WWC2: variants seen among roughly 807,000 people sequenced by gnomAD.
The protein encoded by WWC2 is WW and C2 domain containing 2.
In WWC2, 101 loss-of-function variants were observed where a neutral mutation model predicts 138.5. The observed-to-expected ratio is 0.73, with a 90% CI of 0.62 to 0.86. WWC2 has a LOEUF of 0.86. WWC2 is among the 40% of genes least tolerant of loss of function. WWC2 has a pLI of 0.00. For synonymous variants in WWC2, 558 were observed against 538.4 expected (o/e 1.04, Z -0.50); for missense variants, 1,420 against 1,419.4 (o/e 1.00, Z -0.01).
chr4:183,176,563 C>T (rs545408633), intron 1 of WWC2, among the ~76,000 whole-genome samples: 51 of 152,098 alleles, frequency 3.4e-4, no homozygotes, highest in East Asian at 1.7e-3. Context: ...GCTAGGATTA[C>T]AGGCACCTGC....
chr4:183,126,924 A>G (rs527607757), intron 1 of WWC2, among the ~76,000 whole-genome samples: 1 of 145,086 alleles, frequency 6.9e-6, no homozygotes, highest in African/African-American at 2.6e-5. Flanking sequence ...TTAAAGAGAG[A>G]TAGAGTCTCA....
At chr4:183,190,692 T>C (rs1331958958) in intron 1 of WWC2, among the ~76,000 whole-genome samples, 1 of 152,182 alleles carries the variant, frequency 6.6e-6, no homozygotes, top group Non-Finnish European at 1.5e-5. Context: ...ATCTTCTGAA[T>C]TTTTCAGAGT....
intron 1 of WWC2, among the ~76,000 whole-genome samples, chr4:183,137,652 C>T (rs1202396592): frequency 6.6e-6 from 1 of 152,098 alleles, no homozygotes; most frequent in Non-Finnish European, 1.5e-5. Flanking sequence ...ATGCGCACCA[C>T]CATACCTGAT....
chr4:183,299,353 C>G (rs376779570), intron 21 of WWC2, among the ~76,000 whole-genome samples: 9 of 152,162 alleles, frequency 5.9e-5, no homozygotes, highest in African/African-American at 2.2e-4. Context: ...GCCCGCTGCC[C>G]CTCCGTCTTT....
intron 1 of WWC2, among the ~76,000 whole-genome samples, chr4:183,127,290 A>G (rs112979387): frequency 1.3e-5 from 2 of 152,250 alleles, no homozygotes; most frequent in Admixed American, 6.5e-5. Flanking sequence ...CCAGAAGCAT[A>G]AAAGACTGGG....
chr4:183,210,669 G>A (rs372124321), intron 4 of WWC2, among the ~76,000 whole-genome samples: 6 of 152,270 alleles, frequency 3.9e-5, no homozygotes, highest in Non-Finnish European at 7.4e-5. Flanking sequence ...ACATCACAGA[G>A]TATACTAATG....
At chr4:183,203,751 G>C (rs1268970116) in intron 2 of WWC2, 1 of 152,182 alleles carries the variant, frequency 6.6e-6, no homozygotes, top group Admixed American at 6.5e-5. Context: ...TTCTCTAGTA[G>C]AATCTTAGAA....
chr4:183,106,638 T>C (rs544997834), intron 1 of WWC2, among the ~76,000 whole-genome samples: 1 of 152,344 alleles, frequency 6.6e-6, no homozygotes, highest in Admixed American at 6.5e-5. Context: ...TGTCTCTGAA[T>C]TTGCCTATTC....
intron 1 of WWC2, among the ~76,000 whole-genome samples, chr4:183,137,979 A>G (rs767088735): frequency 5.3e-5 from 8 of 152,130 alleles, no homozygotes; most frequent in Non-Finnish European, 1.0e-4. Context: ...AGAACTTTGT[A>G]TGTATTGATC....
intron 17 of WWC2, chr4:183,281,255 G>A (rs1738065870): frequency 3.2e-6 from 1 of 312,112 alleles, no homozygotes; most frequent in African/African-American, 2.1e-5. Context: ...TAACTACCTG[G>A]AAGTACCATT....
intron 4 of WWC2, among the ~76,000 whole-genome samples, chr4:183,212,823 T>G (rs143578917): frequency 0.017 from 2,534 of 152,276 alleles, 74 homozygotes; most frequent in African/African-American, 0.058. Context: ...TGTCTTCTAA[T>G]GTAGCGGAAT....
intron 9 of WWC2, among the ~76,000 whole-genome samples, chr4:183,257,488 G>A (rs1010450005): frequency 2.6e-5 from 4 of 152,132 alleles, no homozygotes; most frequent in Admixed American, 2.0e-4. Context: ...TGGGCCAGGG[G>A]GAGGAATCTT....
chr4:183,179,998 A>G (rs1734578931), intron 1 of WWC2, among the ~76,000 whole-genome samples: 1 of 152,186 alleles, frequency 6.6e-6, no homozygotes, highest in South Asian at 2.1e-4. Context: ...GTCACTAAAT[A>G]GTGACAGCTT....
chr4:183,171,164 C>T (rs949494102), intron 1 of WWC2, among the ~76,000 whole-genome samples: 11 of 152,172 alleles, frequency 7.2e-5, no homozygotes, highest in Non-Finnish European at 1.6e-4. Context: ...TGTGCCTTAT[C>T]TTTCCAATTA....
At chr4:183,151,219 A>T (rs1436590452) in intron 1 of WWC2, among the ~76,000 whole-genome samples, 2 of 152,150 alleles carry the variant, frequency 1.3e-5, no homozygotes, top group Non-Finnish European at 2.9e-5. Context: ...TGACTTTTTA[A>T]TGATCGCTGT....
At chr4:183,192,338 G>C (rs2111208111) in intron 1 of WWC2, among the ~76,000 whole-genome samples, 2 of 152,336 alleles carry the variant, frequency 1.3e-5, no homozygotes, top group Middle Eastern at 6.8e-3. Context: ...TGCCCAGTAA[G>C]TGGTCTCACA....
chr4:183,176,281 C>G (rs888229225), intron 1 of WWC2, among the ~76,000 whole-genome samples: 1 of 152,050 alleles, frequency 6.6e-6, no homozygotes, highest in Non-Finnish European at 1.5e-5. Flanking sequence ...CATGTTAGTA[C>G]CATTCTTTAG....
intron 1 of WWC2, among the ~76,000 whole-genome samples, chr4:183,112,760 G>A (rs1732275507): frequency 6.6e-6 from 1 of 151,602 alleles, no homozygotes; most frequent in South Asian, 2.1e-4. Context: ...GTGTCGGTGG[G>A]AGCTGCTTTG....
At chr4:183,133,632 G>A (rs936585058) in intron 1 of WWC2, among the ~76,000 whole-genome samples, 1 of 152,086 alleles carries the variant, frequency 6.6e-6, no homozygotes, top group African/African-American at 2.4e-5. Flanking sequence ...GAGTAACTAG[G>A]ATTACAGATG....
Sources: gnomAD v4.1 joint callset for allele counts (sites outside exome capture counted in the v4.1 genomes callset) on GRCh38, gnomAD v4.1.1 for gene constraint, MANE v1.5 for transcripts, NCBI Gene and HGNC (gene_info 2026-07-23, HGNC 2026-07-21) for gene names.